Variants in COL5A2 observed in about 807,000 individuals in gnomAD.
The protein encoded by COL5A2 is collagen alpha-2(V) chain.
Under a neutral mutation model 208.2 loss-of-function variants are expected in COL5A2, and 23 were observed. The ratio of observed to expected loss-of-function variants is 0.11; its 90% CI spans 0.08 to 0.16. The LOEUF is 0.16. COL5A2 is among the 10% of genes least tolerant of loss of function. The pLI is 1.00. For missense variants in COL5A2, 1,590 were observed against 1,956.4 expected (o/e 0.81, Z 3.53); for synonymous variants, 625 against 628.5 (o/e 0.99, Z 0.08).
intron 1 of COL5A2, among the ~76,000 whole-genome samples, chr2:189,117,211 C>A (rs1196204374): frequency 6.6e-6 from 1 of 152,286 alleles, no homozygotes; most frequent in East Asian, 1.9e-4. Context: ...TGCTCATCTA[C>A]AGTTCTGTCT....
At chr2:189,322,706 G>A in the COL5A2 span, among the ~76,000 whole-genome samples, 2 of 152,072 alleles carry the variant, frequency 1.3e-5, no homozygotes, top group South Asian at 2.1e-4. Flanking sequence ...ACCAAAAAAC[G>A]TCCAGGACCA....
chr2:189,048,255 G>C lies in COL5A2; in HGVS notation c.3155C>G (p.Ala1052Gly). The stretch of plus-strand genomic sequence containing the variant: ...CCGTCCTGGGGTACCATCATTGCCA[G>C]CTGGACCCTATAAAGAATAATGGTT... ...PVGEPGPEGP[A>G]GNDGTPGRDG... Residue 1052 changes from alanine to glycine, a missense_variant, in exon 45 of 54, where the codon GCT (alanine) becomes GGT (glycine). Transcript: ENST00000374866. The C allele has an allele frequency of 6.2e-7, 1 of 1,613,840 alleles. No individual in the cohort carries two copies. The highest frequency in any genetic ancestry group is 8.5e-7 in the Non-Finnish European group (1 of 1,179,806).
At chr2:189,046,937 C>T (rs1021669848) in intron 45 of COL5A2, among the ~76,000 whole-genome samples, 2 of 151,914 alleles carry the variant, frequency 1.3e-5, no homozygotes, top group Admixed American at 6.6e-5. Flanking sequence ...TCCTGGCCAA[C>T]GTGGTGAAAC....
chr2:189,247,991 T>C, the COL5A2 span, among the ~76,000 whole-genome samples: 1 of 152,228 alleles, frequency 6.6e-6, no homozygotes, highest in African/African-American at 2.4e-5. Flanking sequence ...TTAAAGTCAA[T>C]ACATGTTCTA....
intron 1 of COL5A2, among the ~76,000 whole-genome samples, chr2:189,211,262 T>C (rs1189297655): frequency 6.6e-6 from 1 of 152,214 alleles, no homozygotes. Flanking sequence ...CAAAATTTCA[T>C]TGTTCTTTAT....
the COL5A2 span, among the ~76,000 whole-genome samples, chr2:189,335,884 C>T: frequency 6.6e-6 from 1 of 151,986 alleles, no homozygotes; most frequent in Non-Finnish European, 1.5e-5. Context: ...CTGAATTGCT[C>T]ACTTTAAAGA....
At chr2:189,056,926 G>C (rs374411622) in intron 35 of COL5A2, 47 bp downstream of exon 35, 1 of 1,566,892 alleles carries the variant, frequency 6.4e-7, no homozygotes, top group East Asian at 2.2e-5. Flanking sequence ...ATATGATACT[G>C]TAATGTTGGT....
the COL5A2 span, among the ~76,000 whole-genome samples, chr2:189,299,852 G>A: frequency 6.6e-6 from 1 of 152,040 alleles, no homozygotes; most frequent in African/African-American, 2.4e-5. Context: ...TAATGTAGAT[G>A]AGACCCCATG....
At chr2:189,293,536 A>G in the COL5A2 span, among the ~76,000 whole-genome samples, 1 of 152,162 alleles carries the variant, frequency 6.6e-6, no homozygotes, top group Admixed American at 6.5e-5. Flanking sequence ...ATCCTAACCC[A>G]CAAGGTTAGG....
At chr2:189,073,171 T>C (rs993034256) in intron 17 of COL5A2, among the ~76,000 whole-genome samples, 1 of 152,136 alleles carries the variant, frequency 6.6e-6, no homozygotes. Flanking sequence ...CCCACGTTGA[T>C]CATGAATATT....
chr2:189,075,496 C>A, intron 16 of COL5A2, 59 bp from the exon 17 acceptor site: 1 of 1,350,652 alleles, frequency 7.4e-7, no homozygotes, highest in South Asian at 1.2e-5. Context: ...TATATTTTCT[C>A]TTATTTGCCT....
the COL5A2 span, among the ~76,000 whole-genome samples, chr2:189,396,990 C>CA: frequency 0.12 from 11,168 of 95,664 alleles, 637 homozygotes; most frequent in Non-Finnish European, 0.13. Context: ...GACTCCGTCT[C>CA]AAAAAAAAAA....
At chr2:189,288,858 G>A in the COL5A2 span, among the ~76,000 whole-genome samples, 4 of 151,970 alleles carry the variant, frequency 2.6e-5, no homozygotes, top group Admixed American at 6.5e-5. Context: ...ATCATTCACC[G>A]TGACCAACAG....
the COL5A2 span, among the ~76,000 whole-genome samples, chr2:189,320,656 T>C: frequency 6.6e-6 from 1 of 152,168 alleles, no homozygotes; most frequent in African/African-American, 2.4e-5. Context: ...CCAAGAAATA[T>C]GGGACTATGT....
At chr2:189,243,926 A>T in the COL5A2 span, among the ~76,000 whole-genome samples, 1 of 152,116 alleles carries the variant, frequency 6.6e-6, no homozygotes, top group South Asian at 2.1e-4. Context: ...CTGAAATCCA[A>T]AGGGTGGCTT....
chr2:189,194,762 G>C (rs1225035279), intron 1 of COL5A2, among the ~76,000 whole-genome samples: 1 of 152,170 alleles, frequency 6.6e-6, no homozygotes, highest in African/African-American at 2.4e-5. Context: ...ATTATTTTGA[G>C]ATAAGTTCCA....
the COL5A2 span, among the ~76,000 whole-genome samples, chr2:189,288,632 A>G: frequency 6.6e-6 from 1 of 152,188 alleles, no homozygotes; most frequent in Non-Finnish European, 1.5e-5. Context: ...GCTTTTACCA[A>G]ACGTTTAAGA....
the COL5A2 span, among the ~76,000 whole-genome samples, chr2:189,394,613 T>C: frequency 6.6e-6 from 1 of 152,180 alleles, no homozygotes; most frequent in African/African-American, 2.4e-5. Context: ...GAGAAATAAA[T>C]GTTTCTTGTT....
intron 1 of COL5A2, among the ~76,000 whole-genome samples, chr2:189,158,231 ATAT>A (rs1688293641): frequency 6.6e-6 from 1 of 152,020 alleles, no homozygotes; most frequent in Non-Finnish European, 1.5e-5. Flanking sequence ...TTAAAAACCA[ATAT>A]TATTATTACA....
Sources: allele counts gnomAD v4.1 joint callset (sites outside exome capture counted in the v4.1 genomes callset), GRCh38; gene constraint gnomAD v4.1.1; transcripts MANE v1.5; gene names NCBI Gene and HGNC (gene_info 2026-07-23, HGNC 2026-07-21).